The following PRKG1 variants were observed in gnomAD, a reference collection of about 807,000 sequenced individuals.
PRKG1 encodes protein kinase cGMP-dependent 1.
PRKG1 carries 35 observed loss-of-function variants against 88.1 expected under a neutral mutation model. The ratio of observed to expected loss-of-function variants is 0.40; its 90% CI spans 0.30 to 0.53. The LOEUF is 0.53. PRKG1 is among the 20% of genes least tolerant of loss of function. The pLI is 0.59. For synonymous variants in PRKG1, 303 were observed against 292.5 expected (o/e 1.04, Z -0.37); for missense variants, 540 against 839.8 (o/e 0.64, Z 4.41).
intron 3 of PRKG1, among the ~76,000 whole-genome samples, chr10:51,644,864 A>G (rs1182941546): frequency 2.0e-5 from 3 of 152,060 alleles, no homozygotes; most frequent in Admixed American, 6.6e-5. Flanking sequence ...CAGCTCACTG[A>G]AACCTCTCTG....
intron 2 of PRKG1, among the ~76,000 whole-genome samples, chr10:51,380,340 T>C (rs964882864): frequency 1.3e-5 from 2 of 152,202 alleles, no homozygotes; most frequent in Non-Finnish European, 2.9e-5. Context: ...ATGCTACCAA[T>C]GAGGGCTTTT....
intron 3 of PRKG1, among the ~76,000 whole-genome samples, chr10:51,508,087 T>C (rs1841280356): frequency 6.6e-6 from 1 of 152,164 alleles, no homozygotes; most frequent in Non-Finnish European, 1.5e-5. Flanking sequence ...TGTGTGACTT[T>C]ATGTTACCTC....
chr10:51,792,200 G>A (rs541909314), intron 3 of PRKG1, among the ~76,000 whole-genome samples: 1 of 152,174 alleles, frequency 6.6e-6, no homozygotes, highest in South Asian at 2.1e-4. Context: ...GAGGGAACTT[G>A]TAGCATTTTT....
intron 2 of PRKG1, among the ~76,000 whole-genome samples, chr10:51,373,219 A>G (rs1842739455): frequency 6.6e-6 from 1 of 152,340 alleles, no homozygotes; most frequent in East Asian, 1.9e-4. Flanking sequence ...TCTGTATAAC[A>G]AATTTTCACA....
chr10:51,859,168 C>T (rs952332572), intron 4 of PRKG1, among the ~76,000 whole-genome samples: 4 of 152,154 alleles, frequency 2.6e-5, no homozygotes, highest in Non-Finnish European at 5.9e-5. Context: ...TTTAAATTGG[C>T]GTTCAAATGT....
chr10:52,186,632 C>T (rs985565654), intron 9 of PRKG1, among the ~76,000 whole-genome samples: 2 of 152,158 alleles, frequency 1.3e-5, no homozygotes, highest in East Asian at 1.9e-4. Flanking sequence ...AGTAGCATCA[C>T]TGGCCTCTAC....
chr10:52,222,323 A>T (rs567179910), intron 9 of PRKG1, among the ~76,000 whole-genome samples: 1 of 152,260 alleles, frequency 6.6e-6, no homozygotes, highest in South Asian at 2.1e-4. Context: ...GATGGTTTTT[A>T]GTCTTCCAAT....
At chr10:51,956,381 A>G (rs1016469287) in intron 5 of PRKG1, among the ~76,000 whole-genome samples, 1 of 151,512 alleles carries the variant, frequency 6.6e-6, no homozygotes, top group Non-Finnish European at 1.5e-5. Context: ...TATTAATAAC[A>G]TATATTCATT....
At chr10:51,940,154 G>A (rs1842875883) in intron 5 of PRKG1, among the ~76,000 whole-genome samples, 2 of 151,676 alleles carry the variant, frequency 1.3e-5, no homozygotes. Flanking sequence ...TGCAAGACAG[G>A]TATACCAAAT....
At position 52,135,217 on chromosome 10, in the gene PRKG1, T is replaced by C. The variant is rs183763885; in HGVS notation, c.1001+1312T>C. Among the ~76,000 whole-genome samples, 108 of 152,012 alleles carry C rather than the reference T, an allele frequency of 7.1e-4. 3 individuals carry two copies. The South Asian group carries it at 9.1e-3, about 13-fold the overall frequency. ...AAAAAGTGTTAAGTGGATGTGGAAG[T>C]ATAGGAAAAGCAATATAAATATGAT... On this transcript the variant is annotated intron_variant, in intron 8 of 17. Coordinates refer to ENST00000373980, the MANE Select transcript of PRKG1 (RefSeq NM_006258.4).
At position 51,847,840 on chromosome 10, in the gene PRKG1, T is replaced by TAAAAAAAA. The variant is rs766423513; in HGVS notation, c.698+43180_698+43187dup. Among the ~76,000 whole-genome samples the TAAAAAAAA allele has an allele frequency of 4.5e-4, 16 of 35,216 alleles. 1 individual carries two copies. The highest frequency in any genetic ancestry group is 6.2e-4 in the African/African-American group (6 of 9,702). The allele number at this position is 35,216 out of a possible 152,430, so 23.1% of individuals were successfully genotyped here. A position where few individuals can be genotyped will look rare whatever the true frequency, so the allele number is the denominator to read the frequency against. On this transcript the variant is annotated intron_variant, in intron 4 of 17. Transcript: ENST00000373980. ...AACATAGAGAGACTCAAGACTCTGT[T>TAAAAAAAA]AAAAAAAAAAAAAAAAAAAAAAAAA... is the stretch of plus-strand genomic sequence containing the variant.
In PRKG1 at chr10:51,467,741, C is replaced by T; in HGVS notation, c.497C>T (p.Thr166Ile). 6.2e-7 allele frequency: 1 copy of T among 1,612,088 alleles called. No individual in the cohort carries two copies. The highest frequency in any genetic ancestry group is 8.5e-7 in the Non-Finnish European group (1 of 1,178,486). ...YVMEDGKVEV[T>I]KEGVKLCTMG... ...TTTTTAGATGGTAAGGTTGAAGTTACAAAAGAAGGTGTGAAGTTGTGTACC... is the reference window on the plus strand; with the variant it reads ...TTTTTAGATGGTAAGGTTGAAGTTATAAAAGAAGGTGTGAAGTTGTGTACC... The change falls in exon 3 of 18, where the codon ACA becomes ATA. Residue 166 changes from threonine (T) to isoleucine (I), a missense_variant. Coordinates refer to ENST00000373980, the MANE Select transcript of PRKG1 (RefSeq NM_006258.4).
chr10:51,153,671 G>A (rs547756921), intron 2 of PRKG1, among the ~76,000 whole-genome samples: 32 of 152,132 alleles, frequency 2.1e-4, no homozygotes, highest in Admixed American at 3.9e-4. Context: ...ATCACTGGAA[G>A]TATTTTTGGC....
At chr10:51,701,794 A>G (rs1211832308) in intron 3 of PRKG1, among the ~76,000 whole-genome samples, 1 of 151,086 alleles carries the variant, frequency 6.6e-6, no homozygotes, top group East Asian at 1.9e-4. Flanking sequence ...TTCGTAGAAG[A>G]TTGCACATCT....
At chr10:51,354,594 C>G (rs1842325452) in intron 2 of PRKG1, among the ~76,000 whole-genome samples, 1 of 152,088 alleles carries the variant, frequency 6.6e-6, no homozygotes, top group South Asian at 2.1e-4. Flanking sequence ...ATCAACTACA[C>G]ACTGTACATC....
chr10:51,145,208 G>A (rs2131961685), intron 1 of PRKG1, among the ~76,000 whole-genome samples: 1 of 152,226 alleles, frequency 6.6e-6, no homozygotes, highest in South Asian at 2.1e-4. Flanking sequence ...AGGGTGGTGA[G>A]GAACTTGTTT....
At chr10:52,038,326 G>T (rs1845668909) in intron 5 of PRKG1, among the ~76,000 whole-genome samples, 1 of 151,918 alleles carries the variant, frequency 6.6e-6, no homozygotes, top group Non-Finnish European at 1.5e-5. Flanking sequence ...CCAGAAAAGT[G>T]GGAAAAGAGG....
intron 3 of PRKG1, among the ~76,000 whole-genome samples, chr10:51,583,696 A>C (rs1838100934): frequency 1.3e-5 from 2 of 152,064 alleles, no homozygotes; most frequent in Non-Finnish European, 2.9e-5. Context: ...ATTTTGAAAT[A>C]ATTACTGGAA....
chr10:51,273,932 A>T (rs1840048355), intron 2 of PRKG1, among the ~76,000 whole-genome samples: 1 of 152,188 alleles, frequency 6.6e-6, no homozygotes, highest in African/African-American at 2.4e-5. Flanking sequence ...TCTACGTTAA[A>T]TCCCAGATCC....
Sources: gnomAD v4.1 joint callset for allele counts (sites outside exome capture counted in the v4.1 genomes callset) on GRCh38, gnomAD v4.1.1 for gene constraint, MANE v1.5 for transcripts, NCBI Gene and HGNC (gene_info 2026-07-23, HGNC 2026-07-21) for gene names.